Variants in MGAT5 observed in about 807,000 individuals in gnomAD.
The protein encoded by MGAT5 is alpha-1,6-mannosylglycoprotein 6-beta-N-acetylglucosaminyltransferase A.
A neutral mutation model predicts 94.3 loss-of-function variants in MGAT5; 30 were observed. The ratio of observed to expected loss-of-function variants is 0.32; its 90% CI spans 0.24 to 0.43. The LOEUF is 0.43. MGAT5 is among the 20% of genes least tolerant of loss of function. The pLI, the probability that MGAT5 is intolerant of heterozygous loss-of-function variation, is 1.00. For missense variants in MGAT5, 691 were observed against 905.5 expected, an observed-to-expected ratio of 0.76 and a Z score of 3.04; for synonymous variants, 310 against 322.9, an observed-to-expected ratio of 0.96 and a Z score of 0.43.
intron 2 of MGAT5, among the ~76,000 whole-genome samples, chr2:134,297,511 T>C (rs1003899362): frequency 2.0e-5 from 3 of 152,150 alleles, no homozygotes; most frequent in Non-Finnish European, 2.9e-5. Context: ...AACCCCAAAT[T>C]TGGCAACATA....
In MGAT5 at chr2:134,454,048, C is replaced by CCAT. The variant is rs1385750363; in HGVS notation, c.*5203_*5205dup. The CCAT allele has an allele frequency of 2.0e-5, 3 of 152,198 alleles. No individual in the cohort carries two copies. Among genetic ancestry groups the CCAT allele is most frequent in the Non-Finnish European group, 4.4e-5 (3 of 68,052 alleles). The allele number at this position is 152,198 out of a possible 1,614,324, so 9.4% of individuals were successfully genotyped here. A position where few individuals can be genotyped will look rare whatever the true frequency, so the allele number is the denominator to read the frequency against. Reference sequence around the variant, plus strand: ...CTGTGGATGCAGTGACTGGAATTTCCCATCTGCAAAGCATCTCTGTAGCCC... The same window carrying CCAT: ...CTGTGGATGCAGTGACTGGAATTTCCCATCATCTGCAAAGCATCTCTGTAGCCC... On this transcript the variant is annotated 3_prime_UTR_variant, in exon 16 of 16. Coordinates refer to ENST00000281923, the MANE Select transcript of MGAT5 (RefSeq NM_002410.5).
intron 13 of MGAT5, among the ~76,000 whole-genome samples, chr2:134,427,408 C>T (rs1044565554): frequency 6.6e-6 from 1 of 152,188 alleles, no homozygotes; most frequent in African/African-American, 2.4e-5. Context: ...AGATCAAACC[C>T]ACATTTCTTC....
At chr2:134,340,818 A>G (rs1180512916) in intron 6 of MGAT5, among the ~76,000 whole-genome samples, 1 of 152,154 alleles carries the variant, frequency 6.6e-6, no homozygotes, top group African/African-American at 2.4e-5. Context: ...AGACAGAGAC[A>G]CCTGTACATT....
Position 134,388,959 on chromosome 2 carries a change from C to G in MGAT5, c.1381-14029C>G, listed in dbSNP as rs930508101. 2.0e-5 allele frequency among the ~76,000 whole-genome samples: 3 copies of G among 152,124 alleles called. 1 individual carries two copies. The South Asian group carries it at 6.2e-4, about 31-fold the overall frequency. ...TATTTTTAGTAGAGATGGGGTTTCACCATGTTGGCCAGGCTGGTCTCAAAC... is the reference window on the plus strand; with the variant it reads ...TATTTTTAGTAGAGATGGGGTTTCAGCATGTTGGCCAGGCTGGTCTCAAAC... On this transcript the variant is annotated intron_variant, in intron 10 of 15. Coordinates refer to ENST00000281923, the MANE Select transcript of MGAT5 (RefSeq NM_002410.5).
intron 1 of MGAT5, among the ~76,000 whole-genome samples, chr2:134,161,936 A>G (rs566414570): frequency 6.6e-6 from 1 of 152,170 alleles, no homozygotes; most frequent in African/African-American, 2.4e-5. Flanking sequence ...CATGACTGTA[A>G]TCCCTGCACT....
chr2:134,419,798 A>T (rs80197802), intron 12 of MGAT5, among the ~76,000 whole-genome samples: 370 of 152,312 alleles, frequency 2.4e-3, no homozygotes, highest in African/African-American at 8.1e-3. Context: ...GCAACCTTGT[A>T]AATAAGCAGA....
At chr2:134,162,646 G>A (rs1260552630) in intron 1 of MGAT5, among the ~76,000 whole-genome samples, 1 of 152,192 alleles carries the variant, frequency 6.6e-6, no homozygotes, top group East Asian at 1.9e-4. Flanking sequence ...ACCCAGGTTC[G>A]TTCTGTCCTC....
intron 9 of MGAT5, among the ~76,000 whole-genome samples, chr2:134,361,791 C>G (rs1680112585): frequency 6.6e-6 from 1 of 152,118 alleles, no homozygotes; most frequent in Non-Finnish European, 1.5e-5. Flanking sequence ...GATTATTCAT[C>G]ACTTTGTCCC....
chr2:134,152,308 TTATCACTCACGCCCTATGGGACCC>T (rs1687251754), intron 1 of MGAT5, among the ~76,000 whole-genome samples: 1 of 93,878 alleles, frequency 1.1e-5, no homozygotes, highest in Non-Finnish European at 2.4e-5. Context: ...TGGGACCCGC[TTATCACTCACGCCCTATGGGACCC>T]GCCCACCGCC....
intron 1 of MGAT5, among the ~76,000 whole-genome samples, chr2:134,137,557 A>G: frequency 6.6e-6 from 1 of 152,190 alleles, no homozygotes; most frequent in East Asian, 1.9e-4. Flanking sequence ...ACTTGTAGCT[A>G]TATTTAGAGC....
chr2:134,382,347 T>G (rs2106209589), intron 10 of MGAT5, among the ~76,000 whole-genome samples: 1 of 152,266 alleles, frequency 6.6e-6, no homozygotes, highest in Non-Finnish European at 1.5e-5. Flanking sequence ...GTGATTATAA[T>G]ATGCAACAAA....
chr2:134,355,912 C>G (rs952995021), intron 9 of MGAT5, among the ~76,000 whole-genome samples: 1 of 152,184 alleles, frequency 6.6e-6, no homozygotes, highest in African/African-American at 2.4e-5. Context: ...AGATCTCAGA[C>G]CTTATTTTTA....
intron 10 of MGAT5, among the ~76,000 whole-genome samples, chr2:134,384,124 C>G (rs1681810413): frequency 6.6e-6 from 1 of 151,610 alleles, no homozygotes; most frequent in Non-Finnish European, 1.5e-5. Context: ...TTACTACTGT[C>G]TGTGGCTGCT....
At chr2:134,325,217 AAAACCC>A (rs1403495788) in intron 4 of MGAT5, among the ~76,000 whole-genome samples, 1 of 152,098 alleles carries the variant, frequency 6.6e-6, no homozygotes, top group Non-Finnish European at 1.5e-5. Flanking sequence ...AAGACTTGCC[AAAACCC>A]AAATCAACAC....
chr2:134,376,890 A>G (rs1046484043), intron 10 of MGAT5, among the ~76,000 whole-genome samples: 4 of 152,288 alleles, frequency 2.6e-5, no homozygotes, highest in African/African-American at 9.6e-5. Context: ...CCAAGATGGT[A>G]ACTCAGTAGG....
At chr2:134,411,451 G>T (rs545688741) in intron 11 of MGAT5, among the ~76,000 whole-genome samples, 65 of 152,250 alleles carry the variant, frequency 4.3e-4, no homozygotes, top group African/African-American at 1.5e-3. Context: ...TTGTGATCAC[G>T]CAGTTTTCAG....
intron 1 of MGAT5, among the ~76,000 whole-genome samples, chr2:134,196,130 C>G (rs1246304012): frequency 1.3e-5 from 2 of 152,214 alleles, no homozygotes; most frequent in African/African-American, 4.8e-5. Flanking sequence ...GTTGAATTTG[C>G]TCATTGCCTC....
chr2:134,276,533 T>C (rs1291918972), intron 2 of MGAT5, among the ~76,000 whole-genome samples: 1 of 152,202 alleles, frequency 6.6e-6, no homozygotes, highest in Non-Finnish European at 1.5e-5. Flanking sequence ...TCCCCAAAGA[T>C]CTACTTTACA....
Position 134,448,621 on chromosome 2 carries a change from A to G in MGAT5, c.2028-28A>G, listed in dbSNP as rs1197606767. 1.9e-6 allele frequency: 3 copies of G among 1,610,430 alleles called. No individual in the cohort carries two copies. The East Asian group carries it at 6.7e-5, about 36-fold the overall frequency. The stretch of plus-strand genomic sequence containing the variant: ...GAAAGGCTCTGTCCCTTCATCACCA[A>G]CACTTGTGCCTTTCTCTTCCTCTTC... On this transcript the variant is annotated intron_variant, in intron 15 of 15. Coordinates refer to ENST00000281923, the MANE Select transcript of MGAT5 (RefSeq NM_002410.5).
Sources: gnomAD v4.1 joint callset for allele counts (sites outside exome capture counted in the v4.1 genomes callset) on GRCh38, gnomAD v4.1.1 for gene constraint, MANE v1.5 for transcripts, NCBI Gene and HGNC (gene_info 2026-07-23, HGNC 2026-07-21) for gene names.